The following CNTNAP2 variants were observed in gnomAD, a reference collection of about 807,000 sequenced individuals.
The protein encoded by CNTNAP2 is contactin-associated protein-like 2.
A neutral mutation model predicts 155.2 loss-of-function variants in CNTNAP2; 98 were observed. The ratio of observed to expected loss-of-function variants is 0.63; its 90% CI spans 0.54 to 0.75. CNTNAP2 has a LOEUF of 0.75. Among genes scored for constraint, CNTNAP2 ranks in the 30% least tolerant of loss-of-function variants. The pLI is 0.00. For missense variants in CNTNAP2, 1,727 were observed against 1,688.1 expected (o/e 1.02, Z -0.40); for synonymous variants, 651 against 631.2 (o/e 1.03, Z -0.47).
intron 1 of CNTNAP2, among the ~76,000 whole-genome samples, chr7:146,444,305 A>G (rs967806696): frequency 2.6e-5 from 4 of 152,184 alleles, no homozygotes; most frequent in South Asian, 2.1e-4. Flanking sequence ...AACTACAGGC[A>G]TGAACCACCG....
At chr7:146,307,817 A>C (rs1051139598) in intron 1 of CNTNAP2, among the ~76,000 whole-genome samples, 9 of 152,204 alleles carry the variant, frequency 5.9e-5, no homozygotes, top group Non-Finnish European at 1.3e-4. Context: ...TACACCTTAT[A>C]CAGAAATTAA....
intron 4 of CNTNAP2, among the ~76,000 whole-genome samples, chr7:147,069,023 T>C (rs1361958923): frequency 1.3e-5 from 2 of 152,140 alleles, no homozygotes; most frequent in African/African-American, 4.8e-5. Context: ...AAATCTGTTT[T>C]CACATGGCGA....
In CNTNAP2 at chr7:148,092,175, T is replaced by TG. The variant is rs1371991014; in HGVS notation, c.2384-25938dup. Among the ~76,000 whole-genome samples, 3 of 152,296 alleles carry TG rather than the reference T, an allele frequency of 2.0e-5. No homozygotes were observed. In the East Asian group the frequency reaches 5.8e-4, roughly 29 times the overall value. On this transcript the variant is annotated intron_variant, in intron 15 of 23. Transcript: ENST00000361727. ...GGAAACCCAGTCTGCTTTATTTCCT[T>TG]GGGGGAGCAGGTTTCCTAATTCTTC...
chr7:148,245,327 A>T (rs567087263), intron 20 of CNTNAP2, among the ~76,000 whole-genome samples: 25 of 152,316 alleles, frequency 1.6e-4, no homozygotes, highest in African/African-American at 6.0e-4. Context: ...GAATAAGAGT[A>T]TGTGCCGACA....
intron 8 of CNTNAP2, among the ~76,000 whole-genome samples, chr7:147,201,399 C>A (rs1563114049): frequency 6.6e-6 from 1 of 152,170 alleles, no homozygotes; most frequent in Non-Finnish European, 1.5e-5. Context: ...TTAACCGAGA[C>A]AATGGGAATG....
At chr7:148,086,620 T>G (rs1803734316) in intron 15 of CNTNAP2, among the ~76,000 whole-genome samples, 1 of 152,246 alleles carries the variant, frequency 6.6e-6, no homozygotes, top group South Asian at 2.1e-4. Context: ...GACTCACATT[T>G]TTCTTCTTAG....
chr7:148,249,488 C>G (rs1401854550), intron 20 of CNTNAP2, among the ~76,000 whole-genome samples: 1 of 152,154 alleles, frequency 6.6e-6, no homozygotes, highest in Non-Finnish European at 1.5e-5. Flanking sequence ...TAAATTTTAT[C>G]TCTGTGCCTC....
chr7:146,564,232 A>G (rs1463127233), intron 1 of CNTNAP2, among the ~76,000 whole-genome samples: 1 of 152,092 alleles, frequency 6.6e-6, no homozygotes, highest in East Asian at 1.9e-4. Flanking sequence ...ATGATATGTT[A>G]CCTCTTGATA....
chr7:148,263,962 C>A (rs1279433992), intron 20 of CNTNAP2, among the ~76,000 whole-genome samples: 1 of 152,086 alleles, frequency 6.6e-6, no homozygotes, highest in Non-Finnish European at 1.5e-5. Context: ...AAGGAAGGTA[C>A]CTCCACTGTG....
intron 16 of CNTNAP2, among the ~76,000 whole-genome samples, chr7:148,130,746 C>T (rs926995346): frequency 2.0e-5 from 3 of 152,236 alleles, no homozygotes; most frequent in East Asian, 1.9e-4. Flanking sequence ...CTAAGACTGA[C>T]TATGTGTCTG....
intron 13 of CNTNAP2, among the ~76,000 whole-genome samples, chr7:147,883,389 T>G (rs184879626): frequency 1.5e-3 from 224 of 152,328 alleles, no homozygotes; most frequent in Non-Finnish European, 2.3e-3. Context: ...AAATTTGATT[T>G]TAATGCTGCT....
At chr7:146,492,177 G>T (rs1188357709) in intron 1 of CNTNAP2, among the ~76,000 whole-genome samples, 1 of 149,786 alleles carries the variant, frequency 6.7e-6, no homozygotes, top group Non-Finnish European at 1.5e-5. Context: ...AAATGGAAAT[G>T]TTTGCTAAGA....
At chr7:147,608,981 A>C (rs1364123381) in intron 12 of CNTNAP2, among the ~76,000 whole-genome samples, 3 of 152,132 alleles carry the variant, frequency 2.0e-5, no homozygotes, top group African/African-American at 7.2e-5. Flanking sequence ...GCATCGGTTA[A>C]GGCAGGAACC....
intron 1 of CNTNAP2, among the ~76,000 whole-genome samples, chr7:146,411,148 A>G (rs1373647010): frequency 7.1e-6 from 1 of 141,580 alleles, no homozygotes. Context: ...AAAACTGTGA[A>G]TAGAGTAGAT....
At chr7:147,991,209 A>G (rs1443582826) in intron 15 of CNTNAP2, among the ~76,000 whole-genome samples, 2 of 152,150 alleles carry the variant, frequency 1.3e-5, no homozygotes, top group Non-Finnish European at 2.9e-5. Context: ...ATTGTCCCTA[A>G]CAGTAGACGG....
chr7:146,153,197 CAA>C (rs977612378), intron 1 of CNTNAP2, among the ~76,000 whole-genome samples: 1 of 151,948 alleles, frequency 6.6e-6, no homozygotes, highest in Non-Finnish European at 1.5e-5. Context: ...TTAAAAATGA[CAA>C]AATTTTAAAA....
At chr7:147,567,414 T>C (rs530514886) in intron 12 of CNTNAP2, among the ~76,000 whole-genome samples, 49 of 152,306 alleles carry the variant, frequency 3.2e-4, no homozygotes, top group African/African-American at 1.1e-3. Context: ...AATCAGGCAT[T>C]GTATATTAAA....
chr7:147,059,767 C>T (rs187591499), intron 4 of CNTNAP2, among the ~76,000 whole-genome samples: 5 of 151,928 alleles, frequency 3.3e-5, no homozygotes, highest in Non-Finnish European at 7.4e-5. Context: ...ATGACAAAAC[C>T]GAAGTTGAAG....
chr7:146,699,258 T>G (rs115793693), intron 1 of CNTNAP2, among the ~76,000 whole-genome samples: 1 of 152,204 alleles, frequency 6.6e-6, no homozygotes, highest in Non-Finnish European at 1.5e-5. Context: ...GGATTTAAGC[T>G]GTGTCTACTA....
Sources: gnomAD v4.1 joint callset for allele counts (sites outside exome capture counted in the v4.1 genomes callset) on GRCh38, gnomAD v4.1.1 for gene constraint, MANE v1.5 for transcripts, NCBI Gene and HGNC (gene_info 2026-07-23, HGNC 2026-07-21) for gene names.